The following RAP1A variants were observed in gnomAD, a reference collection of about 807,000 sequenced individuals.
RAP1A encodes RAP1A, member of RAS oncogene family.
A neutral mutation model predicts 26.4 loss-of-function variants in RAP1A; 6 were observed. That is an observed-to-expected ratio of 0.23 (90% CI 0.12 to 0.45). The LOEUF (loss-of-function observed/expected upper bound fraction) is 0.45, where lower values mean the gene tolerates loss of function less well. RAP1A is among the 20% of genes least tolerant of loss of function. RAP1A has a pLI of 0.99. For missense variants in RAP1A, 121 were observed against 217.2 expected (o/e 0.56, Z 2.78); for synonymous variants, 73 against 79.4 (o/e 0.92, Z 0.43).
chr1:111,703,751 A>G (rs1175166851), intron 5 of RAP1A, among the ~76,000 whole-genome samples: 2 of 152,248 alleles, frequency 1.3e-5, no homozygotes, highest in Non-Finnish European at 2.9e-5. Flanking sequence ...AATACTTCAT[A>G]GAAGTGGGAC....
intron 1 of RAP1A, among the ~76,000 whole-genome samples, chr1:111,609,876 C>A (rs548254662): frequency 6.6e-6 from 1 of 152,290 alleles, no homozygotes; most frequent in South Asian, 2.1e-4. Flanking sequence ...CCAGGCTGGT[C>A]TCAAAATCCT....
intron 1 of RAP1A, among the ~76,000 whole-genome samples, chr1:111,683,291 T>C (rs1258090324): frequency 6.6e-6 from 1 of 151,888 alleles, no homozygotes; most frequent in Admixed American, 6.6e-5. Flanking sequence ...ATTCAAAAGC[T>C]AGCAGAAGAC....
rs1662486448 is a variant in RAP1A at position 111,714,776 on chromosome 1, A to G, written c.*2375A>G. The G allele has an allele frequency of 6.6e-6, 1 of 152,242 alleles. No individual in the cohort carries two copies. Among genetic ancestry groups the G allele is most frequent in the Non-Finnish European group, 1.5e-5 (1 of 68,038 alleles). 9.4% of individuals were successfully genotyped at this position (152,242 alleles called of 1,614,324 possible). On this transcript the variant is annotated 3_prime_UTR_variant, in exon 8 of 8. Transcript: ENST00000369709. Reference sequence around the variant, plus strand: ...CTCCTTAGTCTTGGTTCCAAAGGGAAGGGTACCTGAAAATAAATGTATTTT... The same window carrying G: ...CTCCTTAGTCTTGGTTCCAAAGGGAGGGGTACCTGAAAATAAATGTATTTT...
intron 1 of RAP1A, among the ~76,000 whole-genome samples, chr1:111,583,464 C>A (rs1386072372): frequency 1.9e-5 from 2 of 107,246 alleles, no homozygotes; most frequent in African/African-American, 8.8e-5. Flanking sequence ...CAGCAAGACC[C>A]CATTCAAAAA....
intron 1 of RAP1A, among the ~76,000 whole-genome samples, chr1:111,664,958 A>G (rs1039421306): frequency 5.3e-5 from 8 of 152,248 alleles, no homozygotes; most frequent in Non-Finnish European, 1.2e-4. Flanking sequence ...GCAACATTTA[A>G]AATCTAGAGA....
chr1:111,632,547 A>G (rs1659597600), intron 1 of RAP1A, among the ~76,000 whole-genome samples: 1 of 152,142 alleles, frequency 6.6e-6, no homozygotes, highest in South Asian at 2.1e-4. Context: ...AAAAAAGAGA[A>G]ATGAAATTGA....
At chr1:111,559,031 T>C (rs1433110563) in intron 1 of RAP1A, among the ~76,000 whole-genome samples, 3 of 152,142 alleles carry the variant, frequency 2.0e-5, no homozygotes, top group South Asian at 2.1e-4. Flanking sequence ...CTGAACATAA[T>C]GCAGTTAAAT....
chr1:111,681,744 C>T (rs946286017), intron 1 of RAP1A, among the ~76,000 whole-genome samples: 3 of 152,124 alleles, frequency 2.0e-5, no homozygotes, highest in African/African-American at 7.2e-5. Context: ...CTGAAAGTGA[C>T]GGGGAGAATG....
At position 111,703,703 on chromosome 1, in the gene RAP1A, G is replaced by C. The variant is rs1264896846; in HGVS notation, c.324+227G>C. On this transcript the variant is annotated intron_variant, in intron 5 of 7. Transcript: ENST00000369709. The stretch of plus-strand genomic sequence containing the variant: ...GTGATAAAGTACTCATTGTGCTATA[G>C]GTTAAAAAGTGCAGTAGAGGAAAAA... Among the ~76,000 whole-genome samples the C allele has an allele frequency of 2.0e-5, 3 of 152,180 alleles. No homozygotes were observed. The East Asian group carries it at 5.8e-4, about 29-fold the overall frequency.
At chr1:111,614,365 A>T (rs1181832763) in intron 1 of RAP1A, among the ~76,000 whole-genome samples, 3 of 152,238 alleles carry the variant, frequency 2.0e-5, no homozygotes, top group African/African-American at 7.2e-5. Context: ...AGCAGGAAGC[A>T]TAAGGGCTTG....
intron 1 of RAP1A, among the ~76,000 whole-genome samples, chr1:111,571,691 AG>A (rs1322043449): frequency 1.3e-5 from 2 of 152,212 alleles, no homozygotes; most frequent in African/African-American, 2.4e-5. Context: ...AAGCCTGATG[AG>A]GGGCTAAAAA....
At chr1:111,603,971 G>A (rs187869916) in intron 1 of RAP1A, among the ~76,000 whole-genome samples, 100 of 152,286 alleles carry the variant, frequency 6.6e-4, no homozygotes, top group African/African-American at 2.4e-3. Flanking sequence ...TTGCCTCTCT[G>A]CTTAAACTTC....
chr1:111,555,667 G>C lies in RAP1A; in HGVS notation c.-28+13158G>C, dbSNP rs189626547. 2.4e-3 allele frequency among the ~76,000 whole-genome samples: 365 copies of C among 152,160 alleles called. 2 individuals carry two copies. The highest frequency in any genetic ancestry group is 6.8e-3 in the African/African-American group (284 of 41,540). On this transcript the variant is annotated intron_variant, in intron 1 of 7. Transcript: ENST00000356415. Reference sequence around the variant, plus strand: ...GGATTAAAAAGGTAATATTCAAAGAGATACTGTCTTTTCAACAAATGGTGT... The same window carrying C: ...GGATTAAAAAGGTAATATTCAAAGACATACTGTCTTTTCAACAAATGGTGT...
chr1:111,553,908 G>C (rs142183017), intron 1 of RAP1A, among the ~76,000 whole-genome samples: 1 of 152,288 alleles, frequency 6.6e-6, no homozygotes, highest in African/African-American at 2.4e-5. Flanking sequence ...CCTATACAAA[G>C]AGCTTGAATA....
chr1:111,571,213 G>A (rs1239980638), intron 1 of RAP1A, among the ~76,000 whole-genome samples: 1 of 152,208 alleles, frequency 6.6e-6, no homozygotes, highest in Non-Finnish European at 1.5e-5. Context: ...ATAGCCAAAT[G>A]GAAGAGATGT....
At chr1:111,548,360 G>A (rs1414800810) in intron 1 of RAP1A, among the ~76,000 whole-genome samples, 1 of 152,154 alleles carries the variant, frequency 6.6e-6, no homozygotes, top group Non-Finnish European at 1.5e-5. Flanking sequence ...TGCTTTGATT[G>A]TGCCTTGTCT....
chr1:111,634,623 A>T (rs1175862544), intron 1 of RAP1A, among the ~76,000 whole-genome samples: 1 of 150,656 alleles, frequency 6.6e-6, no homozygotes, highest in Non-Finnish European at 1.5e-5. Context: ...GTATGTATGT[A>T]TGTATTTATT....
rs145192666 is a variant in RAP1A at position 111,715,225 on chromosome 1, C to G, written c.*2824C>G. 3 of 152,058 alleles carry G rather than the reference C, an allele frequency of 2.0e-5. No homozygotes were observed. Among genetic ancestry groups the G allele is most frequent in the African/African-American group, 7.3e-5 (3 of 41,296 alleles). 9.4% of individuals were successfully genotyped at this position (152,058 alleles called of 1,614,324 possible). Reference sequence around the variant, plus strand: ...TCCAAGTAGCTGGGATTACAGGCACCCGCCACCACGCCCAGCTAATTTTTG... The same window carrying G: ...TCCAAGTAGCTGGGATTACAGGCACGCGCCACCACGCCCAGCTAATTTTTG... On this transcript the variant is annotated 3_prime_UTR_variant, in exon 8 of 8. Transcript: ENST00000369709.
At chr1:111,639,188 T>C (rs950230209) in intron 1 of RAP1A, among the ~76,000 whole-genome samples, 4 of 152,322 alleles carry the variant, frequency 2.6e-5, no homozygotes, top group Non-Finnish European at 5.9e-5. Context: ...CATCATACTG[T>C]GTTGTTTCTG....
Sources: allele counts gnomAD v4.1 joint callset (sites outside exome capture counted in the v4.1 genomes callset), GRCh38; gene constraint gnomAD v4.1.1; transcripts MANE v1.5; gene names NCBI Gene and HGNC (gene_info 2026-07-23, HGNC 2026-07-21).